The following TENM1 variants were observed in gnomAD, a reference collection of about 807,000 sequenced individuals.
The protein encoded by TENM1 is teneurin-1.
TENM1 carries 35 observed loss-of-function variants against 174.8 expected under a neutral mutation model. The ratio of observed to expected loss-of-function variants is 0.20; its 90% CI spans 0.15 to 0.27. The LOEUF (loss-of-function observed/expected upper bound fraction) is 0.27. Among genes scored for constraint, TENM1 ranks in the 10% least tolerant of loss-of-function variants. The probability of loss-of-function intolerance (pLI) is 1.00; values close to 1 mark genes in which losing one functional copy is unlikely to be tolerated. For synonymous variants in TENM1, 781 were observed against 798.7 expected (o/e 0.98, Z 0.37); for missense variants, 1,633 against 2,130.1 (o/e 0.77, Z 4.59).
At chrX:124,422,718 A>C in intron 23 of TENM1, 80 bp from the exon 27 acceptor site, 1 of 1,016,619 alleles carries the variant, frequency 9.8e-7, no homozygotes, top group Non-Finnish European at 1.3e-6. Flanking sequence ...AAGAAAAAAA[A>C]ATTGGTGTAT....
At chrX:124,905,032 A>C (rs777672503) in intron 1 of TENM1, among the ~76,000 whole-genome samples, 19 of 111,493 alleles carry the variant, frequency 1.7e-4, no homozygotes, top group Non-Finnish European at 3.4e-4. Context: ...GGATAGAAAA[A>C]AGAAATTCTG....
intron 23 of TENM1, among the ~76,000 whole-genome samples, chrX:124,427,663 T>C (rs929769466): frequency 3.9e-4 from 44 of 112,214 alleles, no homozygotes; most frequent in Non-Finnish European, 2.4e-4. Flanking sequence ...GTTCCTTTTA[T>C]GTCCTTCTCA....
intron 6 of TENM1, among the ~76,000 whole-genome samples, chrX:124,658,748 A>G (rs181626095): frequency 1.3e-3 from 142 of 112,263 alleles, no homozygotes; most frequent in Admixed American, 3.9e-3. Flanking sequence ...CCAAACACCA[A>G]AAGACTACAG....
chrX:124,583,118 C>G (rs1343040354), intron 11 of TENM1, among the ~76,000 whole-genome samples: 1 of 111,764 alleles, frequency 8.9e-6, no homozygotes, highest in East Asian at 2.8e-4. Context: ...CACAGACAAA[C>G]AAAAAGACAG....
intron 1 of TENM1, among the ~76,000 whole-genome samples, chrX:124,932,824 A>C (rs564146302): frequency 2.7e-5 from 3 of 112,127 alleles, no homozygotes; most frequent in East Asian, 5.6e-4. Flanking sequence ...TTCAAGTGAA[A>C]TAAATTACCA....
intron 14 of TENM1, among the ~76,000 whole-genome samples, chrX:124,557,078 A>C (rs1254170344): frequency 8.9e-6 from 1 of 111,831 alleles, no homozygotes; most frequent in Non-Finnish European, 1.9e-5. Context: ...GTAACATTTG[A>C]GTGAAACATT....
At chrX:124,451,766 T>C (rs2061039030) in intron 23 of TENM1, among the ~76,000 whole-genome samples, 1 of 111,721 alleles carries the variant, frequency 9.0e-6, no homozygotes, top group African/African-American at 3.3e-5. Context: ...AAACAAGAAA[T>C]GGGGAAAGGA....
In TENM1 at chrX:124,398,985, C is replaced by T. The variant is rs144005514; in HGVS notation, c.5391+6046G>A. ...AGGAACCCTTCTGTTCACTCTTATC[C>T]GACTACCCACTGTAATTTACAATCA... is the stretch of plus-strand genomic sequence containing the variant. On this transcript the variant is annotated intron_variant, in intron 27 of 31. Coordinates refer to ENST00000422452, the Ensembl canonical transcript of TENM1. Among the ~76,000 whole-genome samples, 701 of 112,321 alleles carry T rather than the reference C, an allele frequency of 6.2e-3. 6 individuals carry two copies. The highest frequency in any genetic ancestry group is 0.021 in the African/African-American group (663 of 30,963).
chrX:125,121,864 G>T, the TENM1 span, among the ~76,000 whole-genome samples: 1 of 112,256 alleles, frequency 8.9e-6, no homozygotes, highest in Non-Finnish European at 1.9e-5. Context: ...CTTGAGGCCA[G>T]GAATTTGAGA....
chrX:125,200,648 T>TGAGA, the TENM1 span, among the ~76,000 whole-genome samples: 1 of 60,137 alleles, frequency 1.7e-5, no homozygotes, highest in African/African-American at 8.6e-5. Context: ...TGTGTGTGTG[T>TGAGA]GTGTGTGAGA....
At chrX:124,606,765 T>G in intron 11 of TENM1, among the ~76,000 whole-genome samples, 1 of 112,027 alleles carries the variant, frequency 8.9e-6, no homozygotes, top group African/African-American at 3.2e-5. Context: ...ATACTAATTA[T>G]GTCATCTTGA....
the TENM1 span, among the ~76,000 whole-genome samples, chrX:125,138,933 T>G: frequency 1.8e-5 from 2 of 111,025 alleles, no homozygotes; most frequent in Non-Finnish European, 3.8e-5. Context: ...CATGTGCACA[T>G]GAGAGACACA....
In TENM1 at chrX:124,873,389, G is replaced by A. The variant is rs369694996; in HGVS notation, c.535+20907C>T. 1.3e-4 allele frequency among the ~76,000 whole-genome samples: 14 copies of A among 111,687 alleles called. No individual in the cohort carries two copies. The East Asian group carries it at 2.8e-3, about 22-fold the overall frequency. ...CTTCATTAAAAATCACACATAAAGT[G>A]TAGCACAGTGGACATCATCATTTTC... On this transcript the variant is annotated intron_variant, in intron 3 of 31. Coordinates refer to ENST00000422452, the Ensembl canonical transcript of TENM1.
chrX:124,551,584 G>A (rs1176943311), intron 14 of TENM1, among the ~76,000 whole-genome samples: 2 of 110,389 alleles, frequency 1.8e-5, no homozygotes, highest in African/African-American at 6.6e-5. Flanking sequence ...AGAACAAAGG[G>A]ACAAGAAGAA....
chrX:125,118,286 G>T, the TENM1 span, among the ~76,000 whole-genome samples: 1 of 110,963 alleles, frequency 9.0e-6, no homozygotes, highest in Admixed American at 9.7e-5. Flanking sequence ...TCACTATTTG[G>T]GGGATGGGTA....
chrX:125,130,539 T>C, the TENM1 span, among the ~76,000 whole-genome samples: 1 of 111,215 alleles, frequency 9.0e-6, no homozygotes, highest in African/African-American at 3.3e-5. Context: ...TAGTATTTAA[T>C]ATTTTATGAT....
chrX:125,084,333 G>C, the TENM1 span, among the ~76,000 whole-genome samples: 1 of 110,692 alleles, frequency 9.0e-6, no homozygotes, highest in African/African-American at 3.3e-5. Context: ...AGTGGATAAA[G>C]CATGGTGCCT....
At chrX:125,068,899 ATAGC>A in the TENM1 span, among the ~76,000 whole-genome samples, 29 of 112,496 alleles carry the variant, frequency 2.6e-4, no homozygotes, top group African/African-American at 9.3e-4. Flanking sequence ...TAGCTGGACT[ATAGC>A]CTCCATGGAA....
At chrX:124,733,942 G>A (rs1209498047) in intron 4 of TENM1, among the ~76,000 whole-genome samples, 1 of 111,705 alleles carries the variant, frequency 9.0e-6, no homozygotes, top group African/African-American at 3.3e-5. Flanking sequence ...CTTCAAAGAC[G>A]AAAGGAGTGT....
Sources: allele counts gnomAD v4.1 joint callset (sites outside exome capture counted in the v4.1 genomes callset), GRCh38; gene constraint gnomAD v4.1.1; transcripts MANE v1.5; gene names NCBI Gene and HGNC (gene_info 2026-07-23, HGNC 2026-07-21).